Variants in RNF180 observed in about 807,000 individuals in gnomAD.
RNF180 encodes the protein E3 ubiquitin-protein ligase RNF180.
A neutral mutation model predicts 59.2 loss-of-function variants in RNF180; 38 were observed. The observed-to-expected ratio is 0.64, with a 90% CI of 0.50 to 0.84. RNF180 has a LOEUF of 0.84. RNF180 is among the 40% of genes least tolerant of loss of function. The probability of loss-of-function intolerance (pLI) is 0.00; values close to 1 mark genes in which losing one functional copy is unlikely to be tolerated. For missense variants in RNF180, 705 were observed against 700.9 expected, an observed-to-expected ratio of 1.01 and a Z score of -0.07; for synonymous variants, 262 against 240.3, an observed-to-expected ratio of 1.09 and a Z score of -0.84.
rs536189085 is a variant in RNF180, at chr5:64,232,296, T to A, written c.1227+14900T>A. Among the ~76,000 whole-genome samples the A allele has an allele frequency of 4.6e-5, 7 of 152,344 alleles. No homozygotes were observed. In the South Asian group the frequency reaches 1.2e-3, roughly 27 times the overall value. On this transcript the variant is annotated intron_variant, in intron 5 of 7. Transcript: ENST00000389100. ...GTGCAGTGGTTCTCAAATGTTCATC[T>A]GTGGACCAGCTGCATCAGAATCACT...
intron 7 of RNF180, among the ~76,000 whole-genome samples, chr5:64,355,274 G>T (rs1745972491): frequency 1.3e-5 from 2 of 151,766 alleles, no homozygotes; most frequent in African/African-American, 4.8e-5. Flanking sequence ...TGTACACTAG[G>T]AATGAACAAT....
At chr5:64,350,116 T>C (rs535261229) in intron 7 of RNF180, among the ~76,000 whole-genome samples, 13 of 152,292 alleles carry the variant, frequency 8.5e-5, no homozygotes, top group African/African-American at 2.9e-4. Flanking sequence ...TTCTAACAGG[T>C]GTGAGATGGT....
At chr5:64,343,107 AG>A (rs1395334736) in intron 7 of RNF180, among the ~76,000 whole-genome samples, 1 of 152,140 alleles carries the variant, frequency 6.6e-6, no homozygotes, top group African/African-American at 2.4e-5. Flanking sequence ...TATATGCAAA[AG>A]GTTAGGAAAA....
At chr5:64,169,874 C>G (rs1284005833) in intron 1 of RNF180, among the ~76,000 whole-genome samples, 1 of 152,210 alleles carries the variant, frequency 6.6e-6, no homozygotes, top group Admixed American at 6.5e-5. Flanking sequence ...AAATTCTAAT[C>G]ATTACTTCAT....
intron 6 of RNF180, among the ~76,000 whole-genome samples, chr5:64,329,241 C>T (rs998425234): frequency 6.6e-6 from 1 of 152,114 alleles, no homozygotes; most frequent in Non-Finnish European, 1.5e-5. Context: ...TCAGATTACA[C>T]TCTAGCTATT....
chr5:64,365,310 A>G (rs776748853), intron 7 of RNF180, among the ~76,000 whole-genome samples: 3 of 151,674 alleles, frequency 2.0e-5, no homozygotes, highest in Admixed American at 6.6e-5. Context: ...ATGTAAATAT[A>G]TAGTTTTGGG....
chr5:64,299,868 G>A (rs1251796506), intron 5 of RNF180, among the ~76,000 whole-genome samples: 2 of 151,828 alleles, frequency 1.3e-5, no homozygotes, highest in Non-Finnish European at 2.9e-5. Context: ...TGGTTCATAA[G>A]TTTTTAAGTT....
chr5:64,284,178 A>G (rs1285788439), intron 5 of RNF180, among the ~76,000 whole-genome samples: 1 of 152,162 alleles, frequency 6.6e-6, no homozygotes, highest in African/African-American at 2.4e-5. Flanking sequence ...TGTTGAATAT[A>G]AGCCCCCAAT....
chr5:64,297,919 T>C (rs1255969406), intron 5 of RNF180, among the ~76,000 whole-genome samples: 1 of 152,052 alleles, frequency 6.6e-6, no homozygotes, highest in East Asian at 1.9e-4. Context: ...ACTTTTAAGT[T>C]CGGGGGTACA....
At chr5:64,269,513 G>A (rs1377753527) in intron 5 of RNF180, among the ~76,000 whole-genome samples, 1 of 152,066 alleles carries the variant, frequency 6.6e-6, no homozygotes, top group Non-Finnish European at 1.5e-5. Context: ...ATCCCTGTGT[G>A]CCCAAGTAAA....
intron 5 of RNF180, among the ~76,000 whole-genome samples, chr5:64,282,424 ATCT>A (rs1742059833): frequency 2.0e-5 from 3 of 151,970 alleles, no homozygotes; most frequent in African/African-American, 7.3e-5. Flanking sequence ...TGTTTATTGG[ATCT>A]TCTCCTTTTA....
chr5:64,228,976 C>CA (rs1192163093), intron 5 of RNF180, among the ~76,000 whole-genome samples: 1 of 134,758 alleles, frequency 7.4e-6, no homozygotes, highest in Non-Finnish European at 1.5e-5. Flanking sequence ...GGTTGGAGTG[C>CA]AGTGGCGTGA....
chr5:64,241,782 A>G (rs1742821240), intron 5 of RNF180, among the ~76,000 whole-genome samples: 1 of 152,122 alleles, frequency 6.6e-6, no homozygotes, highest in Non-Finnish European at 1.5e-5. Flanking sequence ...GTTTTTCATT[A>G]CCCACATTAC....
chr5:64,311,044 T>G (rs1209386115), intron 5 of RNF180, among the ~76,000 whole-genome samples: 1 of 151,806 alleles, frequency 6.6e-6, no homozygotes, highest in Admixed American at 6.6e-5. Context: ...CAAGAAGAAT[T>G]TCATGGTAGA....
Position 64,372,780 on chromosome 5 carries a change from G to C in RNF180, c.*2966G>C, listed in dbSNP as rs539240656. On this transcript the variant is annotated 3_prime_UTR_variant, in exon 8 of 8. Coordinates refer to ENST00000389100, the MANE Select transcript of RNF180 (RefSeq NM_001113561.2). ...TTAACATGCTCAACTCTTACTTCTTGAAGTGTTTGATTGTCAGTAAATTTT... is the reference window on the plus strand; with the variant it reads ...TTAACATGCTCAACTCTTACTTCTTCAAGTGTTTGATTGTCAGTAAATTTT... 1 of 151,908 alleles carries C rather than the reference G, an allele frequency of 6.6e-6. No homozygotes were observed. Among genetic ancestry groups the C allele is most frequent in the African/African-American group, 2.4e-5 (1 of 41,498 alleles). 9.4% of individuals were successfully genotyped at this position (151,908 alleles called of 1,614,324 possible). A position where few individuals can be genotyped will look rare whatever the true frequency, so the allele number is the denominator to read the frequency against.
At chr5:64,192,874 CAAAT>C (rs781599236) in intron 1 of RNF180, among the ~76,000 whole-genome samples, 109 of 133,686 alleles carry the variant, frequency 8.2e-4, no homozygotes, top group Non-Finnish European at 6.4e-4. Flanking sequence ...TGCCTATTGA[CAAAT>C]GAATGCATGC....
In RNF180 at chr5:64,183,063, G is replaced by C. The variant is rs142088817; in HGVS notation, c.-1+17110G>C. Among the ~76,000 whole-genome samples, 524 of 152,262 alleles carry C rather than the reference G, an allele frequency of 3.4e-3. 2 individuals carry two copies. The highest frequency in any genetic ancestry group is 0.011 in the African/African-American group (476 of 41,538). ...GATGTTTGTTGCATCCTCCATTTCAGTATGTGACCATCAGCTTAGAATTCT... is the reference window on the plus strand; with the variant it reads ...GATGTTTGTTGCATCCTCCATTTCACTATGTGACCATCAGCTTAGAATTCT... On this transcript the variant is annotated intron_variant, in intron 1 of 7. Transcript: ENST00000389100.
At chr5:64,291,539 C>T (rs1388373494) in intron 5 of RNF180, among the ~76,000 whole-genome samples, 1 of 146,800 alleles carries the variant, frequency 6.8e-6, no homozygotes, top group East Asian at 2.0e-4. Flanking sequence ...ATTCTCCTGT[C>T]TCAGCCTCCT....
intron 5 of RNF180, among the ~76,000 whole-genome samples, chr5:64,250,253 A>G (rs1309234130): frequency 6.6e-6 from 1 of 152,134 alleles, no homozygotes; most frequent in East Asian, 1.9e-4. Context: ...AAATTTAAAA[A>G]ATTGTTGTGG....
Sources: allele counts gnomAD v4.1 joint callset (sites outside exome capture counted in the v4.1 genomes callset), GRCh38; gene constraint gnomAD v4.1.1; transcripts MANE v1.5; gene names NCBI Gene and HGNC (gene_info 2026-07-23, HGNC 2026-07-21).